Variants in CALN1 observed in about 807,000 individuals in gnomAD.
CALN1 encodes the protein calcium-binding protein 8.
CALN1 carries 17 observed loss-of-function variants against 30.6 expected under a neutral mutation model. The ratio of observed to expected loss-of-function variants is 0.56; its 90% confidence interval spans 0.38 to 0.83. The LOEUF is 0.83. CALN1 is among the 40% of genes least tolerant of loss of function. The pLI, the probability that CALN1 is intolerant of heterozygous loss-of-function variation, is 0.00. For synonymous variants in CALN1, 156 were observed against 131.4 expected (o/e 1.19, Z -1.28); for missense variants, 291 against 354.9 (o/e 0.82, Z 1.45).
chr7:72,195,255 A>G (rs1790905592), intron 3 of CALN1, among the ~76,000 whole-genome samples: 1 of 152,244 alleles, frequency 6.6e-6, no homozygotes, highest in Non-Finnish European at 1.5e-5. Flanking sequence ...CCTGCCAGAT[A>G]GAATAACCAC....
At chr7:71,878,518 G>A (rs939597128) in intron 5 of CALN1, among the ~76,000 whole-genome samples, 18 of 152,160 alleles carry the variant, frequency 1.2e-4, no homozygotes, top group African/African-American at 4.3e-4. Context: ...ACTTAAGAGG[G>A]AACATCAGAC....
chr7:72,098,764 G>GCGCACACACACACACACA (rs1414936509), intron 4 of CALN1, among the ~76,000 whole-genome samples: 1 of 142,730 alleles, frequency 7.0e-6, no homozygotes, highest in African/African-American at 2.6e-5. Context: ...CATTTGGCGC[G>GCGCACACACACACACACA]CACACACACA....
intron 6 of CALN1, among the ~76,000 whole-genome samples, chr7:71,797,256 T>C (rs1019804700): frequency 6.6e-6 from 1 of 152,252 alleles, no homozygotes; most frequent in South Asian, 2.1e-4. Context: ...GGCAGGGAGC[T>C]GGGGGTGCAG....
At chr7:71,884,274 A>AC (rs1238090860) in intron 5 of CALN1, among the ~76,000 whole-genome samples, 1 of 151,842 alleles carries the variant, frequency 6.6e-6, no homozygotes, top group Admixed American at 6.6e-5. Context: ...GTTTGCATAG[A>AC]CCCGCCCACC....
intron 3 of CALN1, among the ~76,000 whole-genome samples, chr7:72,252,934 C>T (rs1795664910): frequency 6.6e-6 from 1 of 152,124 alleles, no homozygotes; most frequent in South Asian, 2.1e-4. Context: ...AATGAATGAG[C>T]AAATCAATGA....
intron 2 of CALN1, among the ~76,000 whole-genome samples, chr7:72,304,258 GA>G (rs1304653940): frequency 1.3e-5 from 2 of 152,252 alleles, no homozygotes; most frequent in African/African-American, 4.8e-5. Flanking sequence ...ACTGGGATGG[GA>G]AAGGGGAAAG....
rs1049438618 is a variant in CALN1, at chr7:71,787,946, G to T, written c.659-44C>A. 6 of 1,612,672 alleles carry T rather than the reference G, an allele frequency of 3.7e-6. No individual in the cohort carries two copies. The African/African-American group carries it at 5.3e-5, about 14-fold the overall frequency. On this transcript the variant is annotated intron_variant, in intron 6 of 6. Transcript: ENST00000395275. Reference sequence around the variant, plus strand: ...GGTGTGGGAAGAAGGAAGAGGGGTTGGGAGAAGAGAGAAGAGAGAAATAAC... The same window carrying T: ...GGTGTGGGAAGAAGGAAGAGGGGTTTGGAGAAGAGAGAAGAGAGAAATAAC...
At chr7:72,107,233 T>G (rs1807238914) in intron 3 of CALN1, among the ~76,000 whole-genome samples, 1 of 152,060 alleles carries the variant, frequency 6.6e-6, no homozygotes, top group African/African-American at 2.4e-5. Flanking sequence ...GAAAGGAGAA[T>G]GCAGCTCCCC....
At chr7:72,337,208 C>T in intron 2 of CALN1, 1 of 985,320 alleles carries the variant, frequency 1.0e-6, no homozygotes, top group South Asian at 4.7e-5. Context: ...GCGGATCCCC[C>T]AGGGCCTTGC....
intron 5 of CALN1, among the ~76,000 whole-genome samples, chr7:72,014,556 G>A (rs1800272438): frequency 6.6e-6 from 1 of 152,116 alleles, no homozygotes; most frequent in Non-Finnish European, 1.5e-5. Context: ...GTTGTCTATT[G>A]CTCTTTATCC....
At chr7:71,940,627 G>A (rs1796076569) in intron 5 of CALN1, among the ~76,000 whole-genome samples, 1 of 151,980 alleles carries the variant, frequency 6.6e-6, no homozygotes, top group African/African-American at 2.4e-5. Flanking sequence ...TTCAGAGGGG[G>A]CCTCAATCTG....
chr7:72,103,761 AG>A (rs933580010), intron 4 of CALN1, among the ~76,000 whole-genome samples: 19 of 149,526 alleles, frequency 1.3e-4, no homozygotes, highest in South Asian at 4.3e-4. Flanking sequence ...ATGGAAATGG[AG>A]GGGGGGGGAA....
chr7:72,382,752 G>C (rs1252031025), intron 2 of CALN1, among the ~76,000 whole-genome samples: 2 of 152,112 alleles, frequency 1.3e-5, no homozygotes, highest in African/African-American at 4.8e-5. Flanking sequence ...AACCTAGCAT[G>C]ATAGTCTCCC....
intron 4 of CALN1, among the ~76,000 whole-genome samples, chr7:72,059,554 T>C (rs1803505432): frequency 6.6e-6 from 1 of 152,204 alleles, no homozygotes. Flanking sequence ...AGAAGCATAA[T>C]ATTTCCAAAA....
chr7:72,242,876 A>G (rs1794928536), intron 3 of CALN1, among the ~76,000 whole-genome samples: 1 of 152,220 alleles, frequency 6.6e-6, no homozygotes, highest in South Asian at 2.1e-4. Context: ...TGACAGAGCA[A>G]GAATCCAACT....
intron 5 of CALN1, among the ~76,000 whole-genome samples, chr7:71,877,887 A>C (rs1443237122): frequency 1.3e-5 from 2 of 152,220 alleles, no homozygotes; most frequent in East Asian, 1.9e-4. Context: ...TCAATATACA[A>C]GCATCTAGTA....
chr7:72,207,505 AGAGTCT>A (rs1791977661), intron 3 of CALN1, among the ~76,000 whole-genome samples: 1 of 152,110 alleles, frequency 6.6e-6, no homozygotes, highest in Non-Finnish European at 1.5e-5. Flanking sequence ...TATTTGAGAC[AGAGTCT>A]CGCTCTGTCA....
intron 2 of CALN1, among the ~76,000 whole-genome samples, chr7:72,311,842 T>C (rs1474416619): frequency 1.3e-5 from 2 of 151,726 alleles, no homozygotes; most frequent in East Asian, 1.9e-4. Context: ...TGTGAAGGGT[T>C]TGAATGCCAC....
At chr7:72,177,890 G>T (rs930414926) in intron 3 of CALN1, among the ~76,000 whole-genome samples, 1 of 151,870 alleles carries the variant, frequency 6.6e-6, no homozygotes, top group Non-Finnish European at 1.5e-5. Flanking sequence ...ACATGTTCGC[G>T]TCCCTTAGCA....
Sources: allele counts gnomAD v4.1 joint callset (sites outside exome capture counted in the v4.1 genomes callset), GRCh38; gene constraint gnomAD v4.1.1; transcripts MANE v1.5; gene names NCBI Gene and HGNC (gene_info 2026-07-23, HGNC 2026-07-21).